Variants in TENM4 observed in about 807,000 individuals in gnomAD.
TENM4 encodes teneurin transmembrane protein 4, also known as teneurin-4.
TENM4 carries 82 observed loss-of-function variants against 243.3 expected under a neutral mutation model. The ratio of observed to expected loss-of-function variants is 0.34; its 90% CI spans 0.28 to 0.40. The LOEUF (loss-of-function observed/expected upper bound fraction) is 0.40. Among genes scored for constraint, TENM4 ranks in the 10% least tolerant of loss-of-function variants. TENM4 has a pLI of 1.00. For synonymous variants in TENM4, 1,412 were observed against 1,456.3 expected (o/e 0.97, Z 0.69); for missense variants, 3,138 against 3,673.3 (o/e 0.85, Z 3.77).
chr11:79,395,316 T>C (rs375849346), intron 1 of TENM4, among the ~76,000 whole-genome samples: 3 of 152,160 alleles, frequency 2.0e-5, no homozygotes, highest in African/African-American at 7.2e-5. Flanking sequence ...AATTGACACA[T>C]CAGGTGATAG....
At chr11:79,128,557 T>A (rs1861929300) in intron 4 of TENM4, among the ~76,000 whole-genome samples, 1 of 152,220 alleles carries the variant, frequency 6.6e-6, no homozygotes, top group Non-Finnish European at 1.5e-5. Context: ...GGGGAGTTAG[T>A]TCCCTATGAT....
At chr11:78,852,263 C>A (rs1017238285) in intron 12 of TENM4, among the ~76,000 whole-genome samples, 14 of 152,168 alleles carry the variant, frequency 9.2e-5, no homozygotes, top group African/African-American at 2.4e-4. Flanking sequence ...AAATATTGAG[C>A]CTGTATTTAG....
rs549370595 is a variant in TENM4, at chr11:79,027,653, C to T, written c.493+37085G>A. On this transcript the variant is annotated intron_variant, in intron 6 of 33. Coordinates refer to ENST00000278550, the MANE Select transcript of TENM4 (RefSeq NM_001098816.3). ...CTTGTTCAACACAGTCACCTCCTCTCGAATCCATATCTCTCATTTCCTTGG... is the reference window on the plus strand; with the variant it reads ...CTTGTTCAACACAGTCACCTCCTCTTGAATCCATATCTCTCATTTCCTTGG... Among the ~76,000 whole-genome samples the T allele has an allele frequency of 1.5e-3, 231 of 152,332 alleles. 1 individual carries two copies. The highest frequency in any genetic ancestry group is 2.8e-3 in the Non-Finnish European group (188 of 68,026).
intron 1 of TENM4, among the ~76,000 whole-genome samples, chr11:79,414,770 G>A (rs1239792047): frequency 6.6e-6 from 1 of 152,242 alleles, no homozygotes; most frequent in East Asian, 1.9e-4. Context: ...GGGCTGAGCA[G>A]AGACATGGAA....
intron 6 of TENM4, among the ~76,000 whole-genome samples, chr11:78,950,661 G>C (rs1255701114): frequency 1.3e-5 from 2 of 152,156 alleles, no homozygotes; most frequent in Admixed American, 1.3e-4. Context: ...CATTTATTAA[G>C]ACTGTACGAT....
intron 2 of TENM4, among the ~76,000 whole-genome samples, chr11:79,280,535 G>A (rs1000676482): frequency 2.0e-5 from 3 of 152,192 alleles, no homozygotes; most frequent in Non-Finnish European, 4.4e-5. Flanking sequence ...GAAGAAGCGA[G>A]CCGGAGCACA....
chr11:78,849,702 C>A (rs765479235), intron 12 of TENM4, among the ~76,000 whole-genome samples: 1 of 152,178 alleles, frequency 6.6e-6, no homozygotes. Context: ...GCTTTGGAGT[C>A]AGACAGACGC....
chr11:79,104,487 C>A (rs1184317235), intron 4 of TENM4, among the ~76,000 whole-genome samples: 1 of 152,168 alleles, frequency 6.6e-6, no homozygotes, highest in Non-Finnish European at 1.5e-5. Context: ...TCTGCTTCCC[C>A]ACCTCACTTA....
At chr11:78,677,444 C>G (rs1187455774) in intron 29 of TENM4, among the ~76,000 whole-genome samples, 1 of 151,866 alleles carries the variant, frequency 6.6e-6, no homozygotes, top group African/African-American at 2.4e-5. Flanking sequence ...TTTGTAGAGA[C>G]CAGGTTTCAA....
intron 2 of TENM4, among the ~76,000 whole-genome samples, chr11:79,224,414 A>C (rs530668409): frequency 1.3e-5 from 2 of 152,278 alleles, no homozygotes; most frequent in South Asian, 2.1e-4. Flanking sequence ...TGAAATCAGT[A>C]AGTGAAGGAA....
chr11:79,328,184 A>C (rs561439446), intron 1 of TENM4, among the ~76,000 whole-genome samples: 1 of 152,340 alleles, frequency 6.6e-6, no homozygotes, highest in South Asian at 2.1e-4. Flanking sequence ...TTTTGCATAG[A>C]CAATCACCTT....
intron 2 of TENM4, among the ~76,000 whole-genome samples, chr11:79,290,492 T>C (rs1289080638): frequency 6.6e-6 from 1 of 152,184 alleles, no homozygotes; most frequent in Non-Finnish European, 1.5e-5. Context: ...AGAAAGTGTC[T>C]ACCTCTGCTG....
chr11:79,042,265 C>T (rs185463969), intron 6 of TENM4, among the ~76,000 whole-genome samples: 15 of 152,354 alleles, frequency 9.8e-5, no homozygotes, highest in Admixed American at 9.8e-4. Context: ...CTTATTACTT[C>T]TCTCTACAAT....
intron 28 of TENM4, among the ~76,000 whole-genome samples, chr11:78,692,098 A>C (rs769461060): frequency 6.6e-6 from 1 of 152,184 alleles, no homozygotes; most frequent in Non-Finnish European, 1.5e-5. Flanking sequence ...CTGGGCTCCA[A>C]GTGGCTGCCT....
At chr11:79,015,010 A>G (rs1451595780) in intron 6 of TENM4, among the ~76,000 whole-genome samples, 2 of 152,234 alleles carry the variant, frequency 1.3e-5, no homozygotes, top group Non-Finnish European at 2.9e-5. Flanking sequence ...CTGTATCTCC[A>G]GGCCCTGGCA....
At chr11:78,928,509 C>T (rs1413596710) in intron 6 of TENM4, among the ~76,000 whole-genome samples, 1 of 152,176 alleles carries the variant, frequency 6.6e-6, no homozygotes, top group Admixed American at 6.5e-5. Context: ...ATAGATTCCA[C>T]AGCCTTGGAA....
intron 10 of TENM4, 77 bp from the exon 11 acceptor site, chr11:78,856,255 C>A (rs766403773): frequency 7.9e-7 from 1 of 1,263,186 alleles, no homozygotes; most frequent in South Asian, 1.3e-5. Flanking sequence ...GGCATCTGAA[C>A]ACCCGGGACT....
intron 4 of TENM4, among the ~76,000 whole-genome samples, chr11:79,127,145 G>T (rs563186112): frequency 2.6e-5 from 4 of 152,306 alleles, no homozygotes; most frequent in Admixed American, 6.5e-5. Flanking sequence ...TCCCACATTG[G>T]CTCCCTGACT....
chr11:78,851,605 A>T (rs987333538), intron 12 of TENM4, among the ~76,000 whole-genome samples: 1 of 151,980 alleles, frequency 6.6e-6, no homozygotes, highest in Non-Finnish European at 1.5e-5. Flanking sequence ...CTTCTCTGTA[A>T]ACCACGCTTA....
Sources: gnomAD v4.1 joint callset for allele counts (sites outside exome capture counted in the v4.1 genomes callset) on GRCh38, gnomAD v4.1.1 for gene constraint, MANE v1.5 for transcripts, NCBI Gene and HGNC (gene_info 2026-07-23, HGNC 2026-07-21) for gene names.